The following GLI2 variants were observed in gnomAD, a reference collection of about 807,000 sequenced individuals.
The protein encoded by GLI2 is transcription activator GLI2.
A neutral mutation model predicts 78.9 loss-of-function variants in GLI2; 22 were observed. The ratio of observed to expected loss-of-function variants is 0.28; its 90% CI spans 0.20 to 0.40. GLI2 has a LOEUF of 0.40. GLI2 is among the 10% of genes least tolerant of loss of function. GLI2 has a pLI of 1.00. For synonymous variants in GLI2, 974 were observed against 963.7 expected (o/e 1.01, Z -0.20); for missense variants, 2,097 against 2,213.2 (o/e 0.95, Z 1.05).
Position 120,989,208 on chromosome 2 carries a change from A to T in GLI2, c.3243A>T (p.Arg1081Ser). The T allele has an allele frequency of 6.2e-7, 1 of 1,613,202 alleles. No homozygotes were observed. Among genetic ancestry groups the T allele is most frequent in the East Asian group, 2.2e-5 (1 of 44,878 alleles). ...GCACTGGCTTCTCTGACAACCCCAG[A>T]CTACCCAGCCCGGGGCTGCACGGCC... Reference protein sequence around the residue: ...TESTGFSDNPRLPSPGLHGQR... With the variant: ...TESTGFSDNPSLPSPGLHGQR... Residue 1081 changes from arginine (R) to serine (S), a missense_variant, in exon 14 of 14, where the codon AGA (arginine) becomes AGT (serine). Transcript: ENST00000361492.
intron 1 of GLI2, among the ~76,000 whole-genome samples, chr2:120,764,984 G>A (rs189633581): frequency 1.3e-5 from 2 of 152,312 alleles, no homozygotes; most frequent in East Asian, 3.9e-4. Context: ...CATTCATGCA[G>A]TATTTGCCCA....
intron 5 of GLI2, among the ~76,000 whole-genome samples, chr2:120,963,199 G>A (rs6541755): frequency 0.073 from 11,066 of 152,202 alleles, 1,308 homozygotes; most frequent in African/African-American, 0.25. Context: ...CAGTCCTCCT[G>A]GCCCTTGAAG....
chr2:120,851,719 C>T (rs1687415583), intron 2 of GLI2, among the ~76,000 whole-genome samples: 1 of 152,224 alleles, frequency 6.6e-6, no homozygotes, highest in Non-Finnish European at 1.5e-5. Flanking sequence ...TTGGGCTAAA[C>T]CAGTGCAGTC....
chr2:120,815,624 C>T (rs1029934967), intron 2 of GLI2, among the ~76,000 whole-genome samples: 3 of 152,232 alleles, frequency 2.0e-5, no homozygotes, highest in Non-Finnish European at 4.4e-5. Context: ...ACGGTGCTCC[C>T]TGCTTCCAGA....
intron 4 of GLI2, among the ~76,000 whole-genome samples, chr2:120,954,619 G>A (rs962432094): frequency 6.6e-6 from 1 of 152,138 alleles, no homozygotes; most frequent in Non-Finnish European, 1.5e-5. Context: ...GCTCCCATTT[G>A]TTTCCTGACA....
At chr2:120,812,175 T>C (rs1685277680) in intron 2 of GLI2, among the ~76,000 whole-genome samples, 2 of 152,302 alleles carry the variant, frequency 1.3e-5, no homozygotes, top group Middle Eastern at 6.8e-3. Flanking sequence ...AACCACTTCC[T>C]CTGCTGTGGG....
At chr2:120,923,197 T>G (rs1679471660) in intron 2 of GLI2, among the ~76,000 whole-genome samples, 1 of 145,572 alleles carries the variant, frequency 6.9e-6, no homozygotes. Context: ...ACAGCAACAC[T>G]TATACACATA....
intron 2 of GLI2, among the ~76,000 whole-genome samples, chr2:120,915,619 C>G (rs1679060487): frequency 6.6e-6 from 1 of 152,140 alleles, no homozygotes; most frequent in Non-Finnish European, 1.5e-5. Flanking sequence ...GATGCTTAGG[C>G]CAGTGACTTC....
chr2:120,758,996 C>G (rs535881811), intron 1 of GLI2, among the ~76,000 whole-genome samples: 1 of 152,306 alleles, frequency 6.6e-6, no homozygotes, highest in South Asian at 2.1e-4. Flanking sequence ...CCCAATCCTG[C>G]ATGATCTTCC....
chr2:120,948,806 C>G (rs964745138), intron 3 of GLI2, among the ~76,000 whole-genome samples: 36 of 152,184 alleles, frequency 2.4e-4, no homozygotes, highest in African/African-American at 8.7e-4. Context: ...CCACGTAGGG[C>G]CACCGGCATC....
chr2:120,842,665 C>T (rs544971705), intron 2 of GLI2, among the ~76,000 whole-genome samples: 49 of 152,290 alleles, frequency 3.2e-4, no homozygotes, highest in Non-Finnish European at 5.9e-4. Context: ...CCCCACATGG[C>T]GTGGGCTGGC....
intron 1 of GLI2, among the ~76,000 whole-genome samples, chr2:120,754,888 T>C (rs1046038284): frequency 6.6e-6 from 1 of 151,912 alleles, no homozygotes; most frequent in Non-Finnish European, 1.5e-5. Context: ...GTTTCACTCT[T>C]GTTGCCCAGG....
chr2:120,986,134 G>T, intron 12 of GLI2, 144 bp from the exon 13 acceptor site: 1 of 708,442 alleles, frequency 1.4e-6, no homozygotes, highest in Non-Finnish European at 2.5e-6. Flanking sequence ...GACGCTTTAC[G>T]TGCTCCTCCG....
At position 120,988,350 on chromosome 2, in the gene GLI2, G is replaced by T. The variant is rs762985919; in HGVS notation, c.2385G>T (p.Thr795=). 10 of 1,572,672 alleles carry T rather than the reference G, an allele frequency of 6.4e-6. No homozygotes were observed. The East Asian group carries it at 1.4e-4, about 22-fold the overall frequency. The part of the protein sequence containing the change: ...LQERRDSSTS[T]VSSAYTVSRR... ...AGCGCCGCGACAGCTCCACCAGCAC[G>T]GTCAGCTCGGCCTACACCGTGAGCC... Residue 795 remains threonine, a synonymous_variant, in exon 14 of 14, where the codon ACG becomes ACT. Transcript: ENST00000361492.
chr2:120,985,625 A>G (rs1229975724), intron 12 of GLI2, among the ~76,000 whole-genome samples: 3 of 152,218 alleles, frequency 2.0e-5, no homozygotes, highest in Non-Finnish European at 4.4e-5. Flanking sequence ...CAATGAGCCC[A>G]GAGGTGGTGG....
intron 2 of GLI2, among the ~76,000 whole-genome samples, chr2:120,902,875 G>A (rs1272337568): frequency 1.3e-5 from 2 of 152,214 alleles, no homozygotes; most frequent in Non-Finnish European, 2.9e-5. Flanking sequence ...GAATTTTGTT[G>A]CCTTGATGGA....
intron 1 of GLI2, among the ~76,000 whole-genome samples, chr2:120,789,905 G>C (rs1313518945): frequency 2.0e-5 from 3 of 152,262 alleles, no homozygotes; most frequent in African/African-American, 7.2e-5. Flanking sequence ...CCCAGTAGGA[G>C]TAGCTGCTGT....
rs576390820 is a variant in GLI2 at position 120,788,595 on chromosome 2, T to C, written c.-30-8696T>C. On this transcript the variant is annotated intron_variant, in intron 1 of 13. Transcript: ENST00000361492. ...CCCCTGGAGGGGCCTGCATTTCCCA[T>C]TGGGGCCCTCCCTGGCCCCTGTTCC... is the stretch of plus-strand genomic sequence containing the variant. 9.8e-5 allele frequency among the ~76,000 whole-genome samples: 15 copies of C among 152,374 alleles called. No homozygotes were observed. In the East Asian group the frequency reaches 1.7e-3, roughly 18 times the overall value.
chr2:120,898,988 C>T (rs797004120), intron 2 of GLI2, among the ~76,000 whole-genome samples: 16 of 152,280 alleles, frequency 1.1e-4, no homozygotes, highest in African/African-American at 3.6e-4. Flanking sequence ...GACACAGAAA[C>T]GAAAGGGTCT....
Sources: allele counts gnomAD v4.1 joint callset (sites outside exome capture counted in the v4.1 genomes callset), GRCh38; gene constraint gnomAD v4.1.1; transcripts MANE v1.5; gene names NCBI Gene and HGNC (gene_info 2026-07-23, HGNC 2026-07-21).